The following ADGRB1 variants were observed in gnomAD, a reference collection of about 807,000 sequenced individuals.
ADGRB1 encodes brain-specific angiogenesis inhibitor 1.
A neutral mutation model predicts 175.7 loss-of-function variants in ADGRB1; 36 were observed. The ratio of observed to expected loss-of-function variants is 0.20; its 90% CI spans 0.16 to 0.27. ADGRB1 has a LOEUF of 0.27. Ranked by LOEUF, ADGRB1 falls within the 10% of genes least tolerant of loss-of-function variation. The pLI is 1.00. For missense variants in ADGRB1, 1,731 were observed against 2,255.3 expected, an observed-to-expected ratio of 0.77 and a Z score of 4.71; for synonymous variants, 1,054 against 979.4, an observed-to-expected ratio of 1.08 and a Z score of -1.42.
intron 17 of ADGRB1, among the ~76,000 whole-genome samples, chr8:142,502,400 T>C (rs1192206008): frequency 6.7e-5 from 1 of 15,028 alleles, no homozygotes; most frequent in African/African-American, 2.9e-4. Flanking sequence ...GTGGTGGTGA[T>C]GGTGGTGGTG....
At chr8:142,531,539 A>G (rs1456441169) in intron 24 of ADGRB1, among the ~76,000 whole-genome samples, 1 of 152,224 alleles carries the variant, frequency 6.6e-6, no homozygotes, top group South Asian at 2.1e-4. Flanking sequence ...AAAGTTGTAC[A>G]GGGAAGAAGG....
chr8:142,518,547 C>G (rs531198529), intron 19 of ADGRB1, among the ~76,000 whole-genome samples: 1 of 152,302 alleles, frequency 6.6e-6, no homozygotes, highest in Admixed American at 6.5e-5. Flanking sequence ...TACCCTTAGG[C>G]ATGCAGGCCA....
chr8:142,532,174 A>T (rs1280849235), intron 24 of ADGRB1, among the ~76,000 whole-genome samples: 1 of 152,076 alleles, frequency 6.6e-6, no homozygotes, highest in Non-Finnish European at 1.5e-5. Flanking sequence ...TGGCGCCAGC[A>T]CCCATTCCGG....
intron 22 of ADGRB1, 41 bp downstream of exon 22, chr8:142,522,751 C>A (rs751614774): frequency 6.9e-7 from 1 of 1,444,978 alleles, no homozygotes; most frequent in Non-Finnish European, 9.1e-7. Flanking sequence ...GGCCACATGG[C>A]CCCCCAGAGA....
In ADGRB1 at chr8:142,474,805, G is replaced by A. The variant is rs1460831355; in HGVS notation, c.785-669G>A. On this transcript the variant is annotated intron_variant, in intron 2 of 30. Coordinates refer to ENST00000517894, the MANE Select transcript of ADGRB1 (RefSeq NM_001702.3). This position sits in a 1 kb window ranked among gnomAD's most constrained non-coding sequence, Gnocchi z 5.8. ...GGTCAGGGCAGGGGCGTGGCGGGGAGGCGCCTGCAGGCATTTATCCCAGGC... is the reference window on the plus strand; with the variant it reads ...GGTCAGGGCAGGGGCGTGGCGGGGAAGCGCCTGCAGGCATTTATCCCAGGC... Among the ~76,000 whole-genome samples, 2 of 152,250 alleles carry A rather than the reference G, an allele frequency of 1.3e-5. No homozygotes were observed. Among genetic ancestry groups the A allele is most frequent in the East Asian group, 1.9e-4 (1 of 5,178 alleles).
rs1483473855 is a variant in ADGRB1 at position 142,478,753 on chromosome 8, G to C, written c.1561+393G>C. On this transcript the variant is annotated intron_variant, in intron 7 of 30. Transcript: ENST00000517894. Reference sequence around the variant, plus strand: ...GCCATGGGGTAGCGGGGTGCACAGTGGGACTTGGGGTGTCTGTGGAGAAGT... The same window carrying C: ...GCCATGGGGTAGCGGGGTGCACAGTCGGACTTGGGGTGTCTGTGGAGAAGT... Among the ~76,000 whole-genome samples the C allele has an allele frequency of 2.7e-5, 4 of 148,092 alleles. No homozygotes were observed. In the South Asian group the frequency reaches 8.8e-4, roughly 33 times the overall value.
chr8:142,464,172 G>A lies in ADGRB1; in HGVS notation c.-27G>A. The A allele has an allele frequency of 8.1e-7, 1 of 1,231,124 alleles. No individual in the cohort carries two copies. Among genetic ancestry groups the A allele is most frequent in the Middle Eastern group, 3.2e-4 (1 of 3,148 alleles). The allele number at this position is 1,231,124 out of a possible 1,614,324, so 76.3% of individuals were successfully genotyped here. A position where few individuals can be genotyped will look rare whatever the true frequency, so the allele number is the denominator to read the frequency against. ...GTCCGCGCCTGCCTGCCCAGCCCGC[G>A]GAACCCCGGCGGCCCCGCGAGCTAG... On this transcript the variant is annotated 5_prime_UTR_variant, in exon 2 of 31. Coordinates refer to ENST00000517894, the MANE Select transcript of ADGRB1 (RefSeq NM_001702.3).
intron 17 of ADGRB1, among the ~76,000 whole-genome samples, chr8:142,494,691 C>G (rs1842131604): frequency 6.6e-6 from 1 of 151,386 alleles, no homozygotes; most frequent in Non-Finnish European, 1.5e-5. Context: ...TGTCCCTGCA[C>G]CCCAGCAACT....
intron 17 of ADGRB1, among the ~76,000 whole-genome samples, chr8:142,501,967 T>A (rs201867672): frequency 7.9e-6 from 1 of 125,894 alleles, no homozygotes; most frequent in African/African-American, 2.9e-5. Context: ...GTGGTTTTGA[T>A]GATGGAGGTA....
At chr8:142,454,434 G>C (rs1839538912) in intron 1 of ADGRB1, among the ~76,000 whole-genome samples, 1 of 152,274 alleles carries the variant, frequency 6.6e-6, no homozygotes, top group African/African-American at 2.4e-5. Flanking sequence ...CACACCGTGA[G>C]GTGCACACGG....
At position 142,510,947 on chromosome 8, in the gene ADGRB1, C is replaced by G; in HGVS notation, c.2691C>G (p.Ala897=). ...CCGCCCCCAGACCCTCCTCCTCCGC[C>G]CCCCCGCAGCTCGGGCCCTGGTCGT... ...WDETDVPSSS[A]PPQLGPWSWR... Residue 897 remains alanine (A), a synonymous_variant, in exon 18 of 31, where the codon GCC becomes GCG. Transcript: ENST00000517894. The surrounding 1 kb of genome is among the most constrained non-coding windows in gnomAD (Gnocchi z 6.3). 1.6e-6 allele frequency: 2 copies of G among 1,288,682 alleles called. No homozygotes were observed. The highest frequency in any genetic ancestry group is 1.6e-5 in the African/African-American group (1 of 63,028). The allele number at this position is 1,288,682 out of a possible 1,614,324, so 79.8% of individuals were successfully genotyped here.
At position 142,522,818 on chromosome 8, in the gene ADGRB1, T is replaced by C. The variant is rs571593084; in HGVS notation, c.3245+108T>C. 697 of 1,230,592 alleles carry C rather than the reference T, an allele frequency of 5.7e-4. 4 individuals are homozygous for C. The African/African-American group carries it at 0.01, about 18-fold the overall frequency. 76.2% of individuals were successfully genotyped at this position (1,230,592 alleles called of 1,614,324 possible). ...ATGCCCTCCCCCCGTGTGACCCTGA[T>C]CATCTCACAGAGGCTCAGGGAGGGT... On this transcript the variant is annotated intron_variant, in intron 22 of 30. Coordinates refer to ENST00000517894, the MANE Select transcript of ADGRB1 (RefSeq NM_001702.3).
At chr8:142,503,920 C>G (rs964532399) in intron 17 of ADGRB1, among the ~76,000 whole-genome samples, 1 of 152,158 alleles carries the variant, frequency 6.6e-6, no homozygotes, top group Non-Finnish European at 1.5e-5. Flanking sequence ...ATGAGAAGCC[C>G]TGGAGGCCCT....
chr8:142,541,824 G>T (rs1461796739), intron 27 of ADGRB1, 117 bp from the exon 28 acceptor site: 6 of 1,114,640 alleles, frequency 5.4e-6, no homozygotes, highest in African/African-American at 3.1e-5. Context: ...CCTGGCCAGG[G>T]TCTCCCAGGA....
intron 17 of ADGRB1, among the ~76,000 whole-genome samples, chr8:142,491,514 C>T (rs1841980014): frequency 6.6e-6 from 1 of 152,202 alleles, no homozygotes; most frequent in African/African-American, 2.4e-5. Context: ...TGTGTAAAGG[C>T]CCAAAGTGCC....
At chr8:142,515,667 T>C (rs1843374432) in intron 18 of ADGRB1, among the ~76,000 whole-genome samples, 2 of 152,084 alleles carry the variant, frequency 1.3e-5, no homozygotes, top group Non-Finnish European at 2.9e-5. Flanking sequence ...GCTGGTTTCC[T>C]AGCCCTGGAC....
chr8:142,497,898 G>A (rs981075000), intron 17 of ADGRB1, among the ~76,000 whole-genome samples: 1 of 152,186 alleles, frequency 6.6e-6, no homozygotes, highest in African/African-American at 2.4e-5. Flanking sequence ...GGTCACGGCT[G>A]CGGGCAAGCC....
chr8:142,498,902 C>T (rs1159731941), intron 17 of ADGRB1, among the ~76,000 whole-genome samples: 5 of 152,202 alleles, frequency 3.3e-5, no homozygotes, highest in Non-Finnish European at 7.3e-5. Flanking sequence ...ATAACAGACC[C>T]GCTAGTCTGC....
intron 1 of ADGRB1, among the ~76,000 whole-genome samples, chr8:142,454,655 G>A (rs1009931687): frequency 6.6e-6 from 1 of 152,104 alleles, no homozygotes; most frequent in Non-Finnish European, 1.5e-5. Context: ...CCTTCATCAG[G>A]CCCCAGCGCC....
Sources: allele counts gnomAD v4.1 joint callset (sites outside exome capture counted in the v4.1 genomes callset), GRCh38; gene constraint gnomAD v4.1.1; non-coding constraint Gnocchi (gnomAD v3.1); transcripts MANE v1.5; gene names NCBI Gene and HGNC (gene_info 2026-07-23, HGNC 2026-07-21).